The following STX8 variants were observed in gnomAD, a reference collection of about 807,000 sequenced individuals.
STX8 encodes syntaxin 8, also known as syntaxin-8.
A neutral mutation model predicts 37.5 loss-of-function variants in STX8; 23 were observed. That is an observed-to-expected ratio of 0.61 (90% CI 0.44 to 0.87). The LOEUF (loss-of-function observed/expected upper bound fraction) is 0.87. STX8 is among the 40% of genes least tolerant of loss of function. The pLI is 0.00. For missense variants in STX8, 313 were observed against 284.7 expected, an observed-to-expected ratio of 1.10 and a Z score of -0.71; for synonymous variants, 115 against 99.1, an observed-to-expected ratio of 1.16 and a Z score of -0.95.
At position 9,507,339 on chromosome 17, in the gene STX8, C is replaced by A. The variant is rs62066196; in HGVS notation, c.324-2177G>T. On this transcript the variant is annotated intron_variant, in intron 4 of 7. Transcript: ENST00000306357. The surrounding 1 kb of genome is among the most constrained non-coding windows in gnomAD (Gnocchi z 4.0). Reference sequence around the variant, plus strand: ...GGCCTGAAAAACAGCCCATGGGTCACCCCTAGCGGCAACTCCCCTAGGCCA... The same window carrying A: ...GGCCTGAAAAACAGCCCATGGGTCAACCCTAGCGGCAACTCCCCTAGGCCA... Among the ~76,000 whole-genome samples, 25,095 of 151,982 alleles carry A rather than the reference C, an allele frequency of 0.17. 2,207 individuals carry two copies. The highest frequency in any genetic ancestry group is 0.24 in the South Asian group (1,141 of 4,804).
chr17:9,545,423 C>T (rs527633828), intron 3 of STX8, 141 bp from the exon 4 acceptor site: 12 of 617,890 alleles, frequency 1.9e-5, no homozygotes, highest in Non-Finnish European at 2.8e-5. Context: ...ACCACTCTTG[C>T]GTTTTTCCTG....
chr17:9,536,910 A>AT (rs540349898), intron 4 of STX8, among the ~76,000 whole-genome samples: 7 of 151,722 alleles, frequency 4.6e-5, no homozygotes, highest in African/African-American at 1.2e-4. Flanking sequence ...TGCCCGGCTA[A>AT]TTTTTTTTAT....
At chr17:9,547,622 C>T (rs537270487) in intron 3 of STX8, among the ~76,000 whole-genome samples, 1,155 of 20,716 alleles carry the variant, frequency 0.056, 20 homozygotes, top group African/African-American at 0.13. Flanking sequence ...AGCAAGACTC[C>T]GTCTCAAAAA....
intron 6 of STX8, among the ~76,000 whole-genome samples, chr17:9,454,828 TA>T (rs980650545): frequency 2.0e-5 from 3 of 152,104 alleles, no homozygotes; most frequent in Non-Finnish European, 4.4e-5. Context: ...GAAACTGTTC[TA>T]GGGGGCAGAG....
intron 7 of STX8, among the ~76,000 whole-genome samples, chr17:9,252,533 C>T (rs1022453270): frequency 4.7e-5 from 7 of 147,708 alleles, no homozygotes; most frequent in Admixed American, 2.1e-4. Flanking sequence ...CGTTTGAACA[C>T]GGGAGGCGGA....
chr17:9,269,011 C>T (rs762364251), intron 7 of STX8, among the ~76,000 whole-genome samples: 2 of 152,006 alleles, frequency 1.3e-5, no homozygotes, highest in African/African-American at 4.8e-5. Context: ...AACGGTGAAA[C>T]CCCGTCTCTA....
At chr17:9,372,275 C>A (rs568707798) in intron 7 of STX8, among the ~76,000 whole-genome samples, 156 of 150,692 alleles carry the variant, frequency 1.0e-3, no homozygotes, top group African/African-American at 3.7e-3. Flanking sequence ...TCCACAACCC[C>A]CCATGGTAAG....
At chr17:9,290,956 A>G (rs1403113757) in intron 7 of STX8, among the ~76,000 whole-genome samples, 2 of 152,150 alleles carry the variant, frequency 1.3e-5, no homozygotes, top group African/African-American at 2.4e-5. Flanking sequence ...GTCAGCTTCA[A>G]AAAGGGAATG....
At chr17:9,306,783 A>AC (rs1909009014) in intron 7 of STX8, among the ~76,000 whole-genome samples, 1 of 151,768 alleles carries the variant, frequency 6.6e-6, no homozygotes, top group Non-Finnish European at 1.5e-5. Context: ...AAACAAACAA[A>AC]AACAAATAAG....
At chr17:9,336,238 TGCTAGGGAGTAGAA>T (rs1325240998) in intron 7 of STX8, among the ~76,000 whole-genome samples, 1 of 152,208 alleles carries the variant, frequency 6.6e-6, no homozygotes, top group Non-Finnish European at 1.5e-5. Flanking sequence ...AAATGCTTTC[TGCTAGGGAGTAGAA>T]GCCTAAAGGA....
chr17:9,535,048 G>C (rs866899970), intron 4 of STX8, among the ~76,000 whole-genome samples: 1 of 152,048 alleles, frequency 6.6e-6, no homozygotes, highest in African/African-American at 2.4e-5. Context: ...AAATAGAATA[G>C]AGCCAAGTAG....
intron 4 of STX8, among the ~76,000 whole-genome samples, chr17:9,522,906 C>A: frequency 6.6e-6 from 1 of 151,862 alleles, no homozygotes; most frequent in Admixed American, 6.6e-5. Flanking sequence ...TTTTGAATAG[C>A]TAGAAGAGAG....
chr17:9,439,301 C>T (rs1004683849), intron 6 of STX8, among the ~76,000 whole-genome samples: 1 of 152,104 alleles, frequency 6.6e-6, no homozygotes, highest in African/African-American at 2.4e-5. Context: ...CAGTACTGAG[C>T]AGAGCAAGAC....
intron 6 of STX8, among the ~76,000 whole-genome samples, chr17:9,482,457 G>A (rs988568858): frequency 7.9e-5 from 12 of 151,972 alleles, no homozygotes; most frequent in Non-Finnish European, 2.9e-5. Context: ...ATACTTTGGG[G>A]AATTCTGATA....
At position 9,339,070 on chromosome 17, in the gene STX8, C is replaced by CAAAAAAAAAAAAAAAAAAAA. The variant is rs34987749; in HGVS notation, c.643+39462_643+39481dup. Among the ~76,000 whole-genome samples, 29 of 70,022 alleles carry CAAAAAAAAAAAAAAAAAAAA rather than the reference C, an allele frequency of 4.1e-4. 1 individual carries two copies. The highest frequency in any genetic ancestry group is 1.9e-3 in the African/African-American group (29 of 15,512). 45.9% of individuals were successfully genotyped at this position (70,022 alleles called of 152,430 possible). A position where few individuals can be genotyped will look rare whatever the true frequency, so the allele number is the denominator to read the frequency against. ...TGGTTGACAAAGCGAGACTCCGTCT[C>CAAAAAAAAAAAAAAAAAAAA]AAAAAAAAAAAAAAAAAAAAATTCC... On this transcript the variant is annotated intron_variant, in intron 7 of 7. Coordinates refer to ENST00000306357, the MANE Select transcript of STX8 (RefSeq NM_004853.3).
intron 7 of STX8, among the ~76,000 whole-genome samples, chr17:9,322,058 A>G (rs914371245): frequency 6.6e-6 from 1 of 152,210 alleles, no homozygotes; most frequent in Non-Finnish European, 1.5e-5. Flanking sequence ...TTAACCTTTG[A>G]CAAGTACTAT....
chr17:9,303,660 T>A (rs992343768), intron 7 of STX8, among the ~76,000 whole-genome samples: 1 of 152,180 alleles, frequency 6.6e-6, no homozygotes. Flanking sequence ...TTAAAATTAA[T>A]CTCTAAAATT....
intron 2 of STX8, among the ~76,000 whole-genome samples, chr17:9,568,012 T>G (rs1358668282): frequency 1.3e-5 from 2 of 152,142 alleles, no homozygotes; most frequent in Non-Finnish European, 2.9e-5. Flanking sequence ...ATGTAAAATG[T>G]AAAAACTATA....
chr17:9,382,073 A>T (rs1031696369), intron 6 of STX8, among the ~76,000 whole-genome samples: 1 of 152,126 alleles, frequency 6.6e-6, no homozygotes, highest in Admixed American at 6.6e-5. Context: ...AACATATTTT[A>T]ATTCTCTCAT....
Sources: allele counts gnomAD v4.1 joint callset (sites outside exome capture counted in the v4.1 genomes callset), GRCh38; gene constraint gnomAD v4.1.1; non-coding constraint Gnocchi (gnomAD v3.1); transcripts MANE v1.5; gene names NCBI Gene and HGNC (gene_info 2026-07-23, HGNC 2026-07-21).